SCRIB: variants seen among roughly 807,000 people sequenced by gnomAD.
SCRIB encodes the protein scribble planar cell polarity protein.
In SCRIB, 72 loss-of-function variants were observed where a neutral mutation model predicts 170.0. The observed-to-expected ratio is 0.42, with a 90% CI of 0.35 to 0.52. SCRIB has a LOEUF of 0.52. SCRIB is among the 20% of genes least tolerant of loss of function. The probability of loss-of-function intolerance (pLI) is 0.02; values close to 1 mark genes in which losing one functional copy is unlikely to be tolerated. For synonymous variants in SCRIB, 1,298 were observed against 1,044.3 expected, an observed-to-expected ratio of 1.24 and a Z score of -4.68; for missense variants, 2,475 against 2,338.5, an observed-to-expected ratio of 1.06 and a Z score of -1.20.
chr8:143,803,971 T>C, intron 22 of SCRIB, 31 bp from the exon 23 acceptor site: 3 of 1,572,334 alleles, frequency 1.9e-6, no homozygotes, highest in Non-Finnish European at 1.7e-6. Context: ...AGCTGGTGGC[T>C]GAGGCCGCGC....
chr8:143,812,912 C>G lies in SCRIB; in HGVS notation c.692G>C (p.Arg231Pro). 1 of 1,612,298 alleles carries G rather than the reference C, an allele frequency of 6.2e-7. No individual in the cohort carries two copies. Among genetic ancestry groups the G allele is most frequent in the Non-Finnish European group, 8.5e-7 (1 of 1,179,894 alleles). Residue 231 changes from arginine (R) to proline (P), a missense_variant, in exon 8 of 37, where the codon CGG becomes CCG. Arg to Pro is a moderately radical substitution (Grantham distance 103). This residue lies in a region of SCRIB where 487 missense variants were observed against 558.1 expected (regional missense o/e 0.87). Transcript: ENST00000356994. Reference protein sequence around the residue: ...RLVCLDVSENRLEELPAELGG... With the variant: ...RLVCLDVSENPLEELPAELGG... ...GAGCTCAGCAGGCAGCTCCTCCAGC[C>G]GGTTTTCCGACACGTCCAGGCACAC...
chr8:143,814,209 C>G (rs1026889407), intron 1 of SCRIB, 91 bp from the exon 2 acceptor site: 5 of 1,073,502 alleles, frequency 4.7e-6, no homozygotes, highest in Non-Finnish European at 6.9e-6. Context: ...AGTCAAGAGT[C>G]CCTAGGCCTC....
Position 143,807,032 on chromosome 8 carries a change from G to A in SCRIB, c.2179-19C>T, listed in dbSNP as rs372938881. 84 of 1,588,980 alleles carry A rather than the reference G, an allele frequency of 5.3e-5. No individual in the cohort carries two copies. In the Admixed American group the frequency reaches 8.6e-4, roughly 16 times the overall value. On this transcript the variant is annotated intron_variant, in intron 16 of 36. Coordinates refer to ENST00000356994, the MANE Select transcript of SCRIB (RefSeq NM_182706.5). Reference sequence around the variant, plus strand: ...GGGTCAGCTGGAAACAGAACAGACAGGGTGTCTAGAAGGGCCGCAGTGGGG... The same window carrying A: ...GGGTCAGCTGGAAACAGAACAGACAAGGTGTCTAGAAGGGCCGCAGTGGGG...
chr8:143,806,554 A>AC (rs1815434870), intron 17 of SCRIB, 70 bp from the exon 18 acceptor site: 1 of 1,324,502 alleles, frequency 7.6e-7, no homozygotes, highest in African/African-American at 1.5e-5. Context: ...TCTGCAGAAG[A>AC]CCCAGGAGGG....
intron 29 of SCRIB, 21 bp from the exon 30 acceptor site, chr8:143,792,888 G>C: frequency 6.6e-7 from 1 of 1,504,842 alleles, no homozygotes; most frequent in Non-Finnish European, 8.8e-7. Context: ...CGGACCTTGA[G>C]GTTTGGCTGG....
At chr8:143,807,139 A>G (rs1440451201) in intron 16 of SCRIB, 126 bp from the exon 17 acceptor site, 3 of 712,896 alleles carry the variant, frequency 4.2e-6, no homozygotes, top group African/African-American at 1.8e-5. Flanking sequence ...ATGGGGCCTC[A>G]TGCCACTCAC....
rs782203301 is a variant in SCRIB at position 143,792,886 on chromosome 8, G to A, written c.4018-19C>T. 2 of 1,505,056 alleles carry A rather than the reference G, an allele frequency of 1.3e-6. No individual in the cohort carries two copies. The highest frequency in any genetic ancestry group is 2.2e-5 in the Admixed American group (1 of 45,634). The allele number at this position is 1,505,056 out of a possible 1,614,324, so 93.2% of individuals were successfully genotyped here. A position where few individuals can be genotyped will look rare whatever the true frequency, so the allele number is the denominator to read the frequency against. ...TGGGGGGCTGGGGGGAGCGGACCTT[G>A]AGGTTTGGCTGGCATTCCTCCGAGA... On this transcript the variant is annotated intron_variant, in intron 29 of 36. Coordinates refer to ENST00000356994, the MANE Select transcript of SCRIB (RefSeq NM_182706.5).
chr8:143,810,332 C>G (rs1482276945), intron 13 of SCRIB, 147 bp downstream of exon 13: 21 of 1,221,996 alleles, frequency 1.7e-5, no homozygotes, highest in Non-Finnish European at 2.3e-6. Context: ...GGCCCTGCAG[C>G]TCCATGTCCC....
chr8:143,812,973 C>A lies in SCRIB; in HGVS notation c.643-12G>T, dbSNP rs1563807937. The A allele has an allele frequency of 2.5e-6, 4 of 1,612,454 alleles. No individual in the cohort carries two copies. The highest frequency in any genetic ancestry group is 3.4e-6 in the Non-Finnish European group (4 of 1,179,814). Reference sequence around the variant, plus strand: ...AGGTTCCCGAGCTCCTGCAGGTGGGCAGAGAGTCAGAGCGCGGATGGGCAC... The same window carrying A: ...AGGTTCCCGAGCTCCTGCAGGTGGGAAGAGAGTCAGAGCGCGGATGGGCAC... On this transcript the variant is annotated splice_polypyrimidine_tract_variant and intron_variant, in intron 7 of 36. Coordinates refer to ENST00000356994, the MANE Select transcript of SCRIB (RefSeq NM_182706.5).
chr8:143,815,192 G>T, intron 1 of SCRIB, 22 bp downstream of exon 1: 2 of 1,549,062 alleles, frequency 1.3e-6, no homozygotes, highest in Non-Finnish European at 1.7e-6. Context: ...CCTTTGGGCG[G>T]CAGGTGCGGG....
Position 143,805,193 on chromosome 8 carries a change from G to A in SCRIB, c.2589C>T (p.Ala863=), listed in dbSNP as rs1234464145. ...SPGPLRQRHV[A]CLARSERGLG... The stretch of plus-strand genomic sequence containing the variant: ...GCCCCCTCTCGCTGCGTGCCAGGCA[G>A]GCCACGTGGCGCTGACGGAGGGGCC... Residue 863 remains alanine, a synonymous_variant, in exon 19 of 37, where the codon GCC becomes GCT. Transcript: ENST00000356994. 1.3e-6 allele frequency: 2 copies of A among 1,574,382 alleles called. No individual in the cohort carries two copies. The highest frequency in any genetic ancestry group is 2.3e-5 in the East Asian group (1 of 44,160).
rs1815691378 is a variant in SCRIB, at chr8:143,811,013, T to A, written c.1166A>T (p.Glu389Val). The A allele has an allele frequency of 6.2e-7, 1 of 1,611,586 alleles. No individual in the cohort carries two copies. Among genetic ancestry groups the A allele is most frequent in the Admixed American group, 1.7e-5 (1 of 59,844 alleles). ...CCGGAGCATGGGCTGCGCCTGGTTC[T>A]CTGCCAGCCACAGGGCCTTGAGATT... is the stretch of plus-strand genomic sequence containing the variant. ...HLNLKALWLAENQAQPMLRFQ... is the reference protein window; with the variant it reads ...HLNLKALWLAVNQAQPMLRFQ... The change falls in exon 11 of 37, where the codon GAG (glutamate) becomes GTG (valine). Residue 389 changes from glutamate (E) to valine (V), a missense_variant. Physicochemically the swap from Glu to Val is moderately radical, Grantham distance 121 (BLOSUM62 -2). Transcript: ENST00000356994.
chr8:143,798,522 A>G (rs1335280893), intron 24 of SCRIB, among the ~76,000 whole-genome samples: 1 of 152,192 alleles, frequency 6.6e-6, no homozygotes, highest in Non-Finnish European at 1.5e-5. Flanking sequence ...CTGGACTCAA[A>G]TTCCTGGGCT....
Position 143,810,556 on chromosome 8 carries a change from T to G in SCRIB, c.1453A>C (p.Lys485Gln). The G allele has an allele frequency of 6.2e-7, 1 of 1,613,646 alleles. No individual in the cohort carries two copies. The highest frequency in any genetic ancestry group is 1.1e-5 in the South Asian group (1 of 91,072). Residue 485 changes from lysine to glutamine, a missense_variant, in exon 13 of 37, where the codon AAG becomes CAG. Coordinates refer to ENST00000356994, the MANE Select transcript of SCRIB (RefSeq NM_182706.5). ...TPHPSELKVM[K>Q]RSIEGRRSEA... Reference sequence around the variant, plus strand: ...CTCCGCCGCCCCTCGATGCTCCTCTTCATCACCTTGAGCTCGCTGGGGTGA... The same window carrying G: ...CTCCGCCGCCCCTCGATGCTCCTCTGCATCACCTTGAGCTCGCTGGGGTGA...
rs868922565 is a variant in SCRIB, at chr8:143,800,424, G to A, written c.3603+2959C>T. ...CAAGCCCACCTCCACAGGACCAGGG[G>A]CTCTGCGGGAGGGGACAAGGGAGAG... On this transcript the variant is annotated intron_variant, in intron 24 of 36. Transcript: ENST00000356994. Among the ~76,000 whole-genome samples the A allele has an allele frequency of 7.9e-5, 12 of 152,328 alleles. No homozygotes were observed. The South Asian group carries it at 2.3e-3, about 29-fold the overall frequency.
Position 143,792,568 on chromosome 8 carries a change from C to A in SCRIB, c.4245G>T (p.Arg1415Ser). 6.3e-7 allele frequency: 1 copy of A among 1,575,970 alleles called. No homozygotes were observed. The highest frequency in any genetic ancestry group is 8.6e-7 in the Non-Finnish European group (1 of 1,168,792). ...REAAEAGAEA[R>S]LALDGETLGE... Reference sequence around the variant, plus strand: ...CCAGCGTCTCCCCGTCCAGGGCGAGCCTCGCTTCGGCCCCAGCCTCTGCCG... The same window carrying A: ...CCAGCGTCTCCCCGTCCAGGGCGAGACTCGCTTCGGCCCCAGCCTCTGCCG... The change falls in exon 31 of 37, where the codon AGG becomes AGT. Residue 1415 changes from arginine to serine, a missense_variant. Physicochemically the swap from Arg to Ser is moderately radical, Grantham distance 110 (BLOSUM62 -1). Transcript: ENST00000356994.
chr8:143,807,724 G>C (rs999576448), intron 15 of SCRIB, 110 bp from the exon 16 acceptor site: 5 of 895,114 alleles, frequency 5.6e-6, no homozygotes, highest in Non-Finnish European at 7.5e-6. Context: ...ACCACAGCAA[G>C]CTCCCTCGAC....
intron 24 of SCRIB, among the ~76,000 whole-genome samples, chr8:143,800,017 C>A (rs911201322): frequency 6.6e-6 from 1 of 151,378 alleles, no homozygotes; most frequent in Non-Finnish European, 1.5e-5. Flanking sequence ...GGGGAAGGGT[C>A]ATGAATTGAA....
chr8:143,809,070 G>C, intron 14 of SCRIB, 45 bp from the exon 15 acceptor site: 1 of 1,565,002 alleles, frequency 6.4e-7, no homozygotes, highest in Non-Finnish European at 8.6e-7. Context: ...CTGTGGCTGT[G>C]CTTCCACAGG....
Sources: gnomAD v4.1 joint callset for allele counts (sites outside exome capture counted in the v4.1 genomes callset) on GRCh38, gnomAD v4.1.1 for gene constraint, gnomAD v4.1.1 regional missense constraint, MANE v1.5 for transcripts, NCBI Gene and HGNC (gene_info 2026-07-23, HGNC 2026-07-21) for gene names.